The following DPP10 variants were observed in gnomAD, a reference collection of about 807,000 sequenced individuals.
DPP10 encodes the protein dipeptidyl peptidase like 10.
In DPP10, 33 loss-of-function variants were observed where a neutral mutation model predicts 120.9. The ratio of observed to expected loss-of-function variants is 0.27; its 90% CI spans 0.21 to 0.37. The LOEUF is 0.37. Among genes scored for constraint, DPP10 ranks in the 10% least tolerant of loss-of-function variants. The pLI is 1.00. For synonymous variants in DPP10, 337 were observed against 326.1 expected, an observed-to-expected ratio of 1.03 and a Z score of -0.36; for missense variants, 816 against 942.8, an observed-to-expected ratio of 0.87 and a Z score of 1.76.
intron 1 of DPP10, among the ~76,000 whole-genome samples, chr2:114,713,218 C>T (rs1222559308): frequency 6.6e-6 from 1 of 152,132 alleles, no homozygotes; most frequent in Non-Finnish European, 1.5e-5. Flanking sequence ...AAACTTCTGA[C>T]CTCAGGTTAT....
At chr2:115,417,372 A>G (rs1182811824) in intron 3 of DPP10, among the ~76,000 whole-genome samples, 2 of 152,198 alleles carry the variant, frequency 1.3e-5, no homozygotes, top group Non-Finnish European at 2.9e-5. Flanking sequence ...GGGATGAGGA[A>G]AAAACTCAAT....
intron 1 of DPP10, among the ~76,000 whole-genome samples, chr2:114,663,055 T>TA (rs1168212156): frequency 6.6e-6 from 1 of 152,062 alleles, no homozygotes; most frequent in Admixed American, 6.6e-5. Context: ...TAAAGACACA[T>TA]ATATGTGTAT....
chr2:115,394,329 A>C (rs2067517198), intron 3 of DPP10, among the ~76,000 whole-genome samples: 1 of 152,134 alleles, frequency 6.6e-6, no homozygotes, highest in African/African-American at 2.4e-5. Flanking sequence ...TTCCTCCTAA[A>C]AATGTCAGTA....
At chr2:115,430,051 G>A (rs2070832523) in intron 3 of DPP10, among the ~76,000 whole-genome samples, 1 of 152,130 alleles carries the variant, frequency 6.6e-6, no homozygotes, top group South Asian at 2.1e-4. Flanking sequence ...GTATTCTTTT[G>A]CAAATACCTG....
At chr2:115,450,445 T>C (rs758359204) in intron 3 of DPP10, among the ~76,000 whole-genome samples, 1 of 151,988 alleles carries the variant, frequency 6.6e-6, no homozygotes, top group African/African-American at 2.4e-5. Flanking sequence ...TCTAACTGAA[T>C]AAAGCCCTCA....
intron 3 of DPP10, chr2:115,468,483 A>C (rs777854987): frequency 2.3e-6 from 1 of 434,938 alleles, no homozygotes. Context: ...CCTGCTTACT[A>C]TTGCTCTGTG....
chr2:115,734,465 C>T (rs2092985274), intron 8 of DPP10, among the ~76,000 whole-genome samples: 1 of 151,690 alleles, frequency 6.6e-6, no homozygotes, highest in African/African-American at 2.4e-5. Flanking sequence ...AGACCAGCCT[C>T]GCCAACGTGG....
At chr2:115,395,854 T>G (rs1297109373) in intron 3 of DPP10, among the ~76,000 whole-genome samples, 1 of 152,104 alleles carries the variant, frequency 6.6e-6, no homozygotes, top group Non-Finnish European at 1.5e-5. Flanking sequence ...TATATTTATT[T>G]TGTATCTTCA....
At chr2:114,809,742 G>T (rs74818647) in intron 1 of DPP10, among the ~76,000 whole-genome samples, 5,548 of 152,130 alleles carry the variant, frequency 0.036, 173 homozygotes, top group Middle Eastern at 0.054. Context: ...ACCTGCATAC[G>T]GCTTGCGAAA....
chr2:115,667,594 AG>A (rs1459149239), intron 5 of DPP10, among the ~76,000 whole-genome samples: 4 of 152,292 alleles, frequency 2.6e-5, no homozygotes, highest in Admixed American at 2.0e-4. Context: ...TTTATTAAAA[AG>A]GGAGTCCTTT....
At chr2:115,043,227 A>G (rs1351767217) in intron 1 of DPP10, among the ~76,000 whole-genome samples, 1 of 152,234 alleles carries the variant, frequency 6.6e-6, no homozygotes, top group East Asian at 1.9e-4. Flanking sequence ...AATATAATGT[A>G]ATGTGGCATG....
chr2:115,614,707 G>A (rs1488953635), intron 5 of DPP10, among the ~76,000 whole-genome samples: 1 of 152,126 alleles, frequency 6.6e-6, no homozygotes, highest in East Asian at 1.9e-4. Context: ...GCCAGGCTAG[G>A]GGGAGGAATT....
At chr2:114,823,703 A>G (rs112737050) in intron 1 of DPP10, among the ~76,000 whole-genome samples, 1,772 of 152,322 alleles carry the variant, frequency 0.012, 41 homozygotes, top group African/African-American at 0.039. Flanking sequence ...AGTGGAAGGA[A>G]ACAGTGTTAC....
At chr2:115,026,900 A>G (rs543371284) in intron 1 of DPP10, among the ~76,000 whole-genome samples, 141 of 152,258 alleles carry the variant, frequency 9.3e-4, no homozygotes, top group Admixed American at 7.7e-3. Context: ...AAATCTGTAA[A>G]TTGCTTTGAG....
intron 3 of DPP10, among the ~76,000 whole-genome samples, chr2:115,484,528 G>A (rs1022767078): frequency 2.6e-5 from 4 of 152,094 alleles, no homozygotes; most frequent in Non-Finnish European, 5.9e-5. Context: ...GAAAGCAAGG[G>A]ACCTCCTACT....
intron 5 of DPP10, among the ~76,000 whole-genome samples, chr2:115,591,158 T>C (rs923456005): frequency 2.0e-5 from 3 of 152,234 alleles, no homozygotes; most frequent in African/African-American, 7.2e-5. Context: ...CTCTTTAGTT[T>C]AATTAGATCC....
At chr2:115,723,695 A>G (rs1451090581) in intron 7 of DPP10, among the ~76,000 whole-genome samples, 4 of 151,276 alleles carry the variant, frequency 2.6e-5, no homozygotes, top group Non-Finnish European at 5.9e-5. Context: ...TTTGTTTGCA[A>G]TTGCCATTTT....
chr2:115,344,911 A>C (rs2063634655), intron 3 of DPP10, among the ~76,000 whole-genome samples: 1 of 152,190 alleles, frequency 6.6e-6, no homozygotes, highest in Admixed American at 6.5e-5. Flanking sequence ...CATCATACTT[A>C]CAGTCCATTC....
intron 1 of DPP10, among the ~76,000 whole-genome samples, chr2:115,194,277 T>C (rs936222048): frequency 1.3e-5 from 2 of 152,068 alleles, no homozygotes; most frequent in African/African-American, 4.8e-5. Flanking sequence ...CGAGCTAGAG[T>C]GCAATGGCGT....
Sources: allele counts gnomAD v4.1 joint callset (sites outside exome capture counted in the v4.1 genomes callset), GRCh38; gene constraint gnomAD v4.1.1; transcripts MANE v1.5; gene names NCBI Gene and HGNC (gene_info 2026-07-23, HGNC 2026-07-21).